Variants in DNAI4 observed in about 807,000 individuals in gnomAD.
DNAI4 encodes the protein WD repeat domain 78.
DNAI4 carries 85 observed loss-of-function variants against 105.8 expected under a neutral mutation model. The ratio of observed to expected loss-of-function variants is 0.80; its 90% CI spans 0.67 to 0.96. The LOEUF (loss-of-function observed/expected upper bound fraction) is 0.96, where lower values mean the gene tolerates loss of function less well. DNAI4 is among the 40% of genes least tolerant of loss of function. The probability of loss-of-function intolerance (pLI) is 0.00; values close to 1 mark genes in which losing one functional copy is unlikely to be tolerated. For missense variants in DNAI4, 1,014 were observed against 1,005.6 expected (o/e 1.01, Z -0.11); for synonymous variants, 352 against 331.5 (o/e 1.06, Z -0.67).
At chr1:66,870,748 CAAAAAAAAAAAAAAA>C (rs1184105731) in intron 6 of DNAI4, 3 of 16,610 alleles carry the variant, frequency 1.8e-4, no homozygotes, top group Admixed American at 1.3e-3. Flanking sequence ...GACTCTGACG[CAAAAAAAAAAAAAAA>C]AAAAAAAAAA....
chr1:66,870,748 C>CAAAAAAAAAAAAAAAA (rs1184105731), intron 6 of DNAI4: 1 of 16,610 alleles, frequency 6.0e-5, no homozygotes, highest in African/African-American at 2.3e-4. Context: ...GACTCTGACG[C>CAAAAAAAAAAAAAAAA]AAAAAAAAAA....
chr1:66,838,593 T>C (rs1358620895), intron 9 of DNAI4, among the ~76,000 whole-genome samples: 1 of 152,252 alleles, frequency 6.6e-6, no homozygotes, highest in Non-Finnish European at 1.5e-5. Context: ...AAAAGCTTAA[T>C]AACTGAACAA....
intron 4 of DNAI4, among the ~76,000 whole-genome samples, chr1:66,880,800 T>C (rs1647053201): frequency 6.6e-6 from 1 of 151,692 alleles, no homozygotes; most frequent in Admixed American, 6.6e-5. Context: ...ACCAAGACAA[T>C]GGGGAAAATG....
chr1:66,823,319 T>C (rs1190321773), intron 15 of DNAI4, among the ~76,000 whole-genome samples: 1 of 151,828 alleles, frequency 6.6e-6, no homozygotes, highest in Non-Finnish European at 1.5e-5. Context: ...CGTTGGACAT[T>C]TGGGTTGGTT....
intron 3 of DNAI4, 43 bp downstream of exon 3, chr1:66,893,186 T>C (rs1648002231): frequency 8.6e-7 from 1 of 1,158,550 alleles, no homozygotes; most frequent in South Asian, 3.1e-5. Flanking sequence ...GGAAAGGCAA[T>C]ATATATGATA....
chr1:66,887,467 G>T (rs1647251922), intron 4 of DNAI4, among the ~76,000 whole-genome samples: 1 of 152,082 alleles, frequency 6.6e-6, no homozygotes, highest in African/African-American at 2.4e-5. Context: ...TTATTCAGTA[G>T]GTCTGGGAGG....
rs777900874 is a variant in DNAI4 at position 66,871,304 on chromosome 1, G to T, written c.940+66C>A. ...TTATACATTTCAATATTCACTTGTC[G>T]ATTGACAGACTCAAAAAATGTATAT... is the stretch of plus-strand genomic sequence containing the variant. On this transcript the variant is annotated intron_variant, in intron 6 of 16. Coordinates refer to ENST00000371026, the MANE Select transcript of DNAI4 (RefSeq NM_024763.5). 9 of 1,408,066 alleles carry T rather than the reference G, an allele frequency of 6.4e-6. No homozygotes were observed. The African/African-American group carries it at 8.7e-5, about 14-fold the overall frequency. 87.2% of individuals were successfully genotyped at this position (1,408,066 alleles called of 1,614,324 possible).
In DNAI4 at chr1:66,873,852, CTTTTTTTTTTTT is replaced by C. The variant is rs749140367; in HGVS notation, c.800+917_800+928del. Among the ~76,000 whole-genome samples the C allele has an allele frequency of 3.6e-5, 4 of 110,196 alleles. No individual in the cohort carries two copies. The East Asian group carries it at 7.4e-4, about 20-fold the overall frequency. The allele number at this position is 110,196 out of a possible 152,430, so 72.3% of individuals were successfully genotyped here. ...TGTCCCTTTCTTTTTTCCCTCTTTC[CTTTTTTTTTTTT>C]TTTTTTTTTTTGGTCCTAGGAACTT... On this transcript the variant is annotated intron_variant, in intron 5 of 16. Transcript: ENST00000371026.
chr1:66,859,859 T>C (rs1646587052), intron 7 of DNAI4, among the ~76,000 whole-genome samples: 2 of 152,250 alleles, frequency 1.3e-5, no homozygotes, highest in South Asian at 4.1e-4. Flanking sequence ...ACAGTGAAAC[T>C]ATTAATTTTT....
At position 66,854,467 on chromosome 1, in the gene DNAI4, G is replaced by A. The variant is rs578095005; in HGVS notation, c.1097-6789C>T. Among the ~76,000 whole-genome samples, 8 of 152,120 alleles carry A rather than the reference G, an allele frequency of 5.3e-5. No homozygotes were observed. In the East Asian group the frequency reaches 1.5e-3, roughly 29 times the overall value. ...TGTAAATCTATCAAAACATGTACAG[G>A]GCTTGAATGCTGAAAACTACAAAAT... On this transcript the variant is annotated intron_variant, in intron 7 of 16. Transcript: ENST00000371026.
chr1:66,852,095 A>G (rs1270154271), intron 7 of DNAI4, among the ~76,000 whole-genome samples: 1 of 152,132 alleles, frequency 6.6e-6, no homozygotes, highest in African/African-American at 2.4e-5. Context: ...TACAGACGTC[A>G]AAGTGATAAT....
At chr1:66,923,008 TCA>T (rs1349988778) in intron 1 of DNAI4, among the ~76,000 whole-genome samples, 1 of 152,156 alleles carries the variant, frequency 6.6e-6, no homozygotes, top group Non-Finnish European at 1.5e-5. Context: ...CAACAATGAA[TCA>T]CATATACAAT....
intron 5 of DNAI4, 96 bp downstream of exon 5, chr1:66,874,685 C>G (rs903569605): frequency 2.3e-5 from 31 of 1,330,750 alleles, no homozygotes; most frequent in Non-Finnish European, 3.2e-5. Context: ...GTGTATACCC[C>G]AGAACCCCCA....
Position 66,893,247 on chromosome 1 carries a change from G to A in DNAI4, c.512C>T (p.Thr171Met), listed in dbSNP as rs531875285. The change falls in exon 3 of 17, where the codon ACG becomes ATG. Residue 171 changes from threonine (T) to methionine (M), a missense_variant. By Grantham distance (81) the Thr-to-Met change is moderately conservative. Coordinates refer to ENST00000371026, the MANE Select transcript of DNAI4 (RefSeq NM_024763.5). ...SLYQNTINPS[T>M]LGQFTRSVLG... is the part of the protein sequence containing the mutation. ...ACTCTACCTTGTAAACTGCCCTAAC[G>A]TACTAGGATTTATTGTATTCTGATA... is the stretch of plus-strand genomic sequence containing the variant. 3.2e-5 allele frequency: 51 copies of A among 1,590,666 alleles called. No individual in the cohort carries two copies. The highest frequency in any genetic ancestry group is 1.4e-4 in the Admixed American group (8 of 56,786).
chr1:66,892,950 GAAGAAAGAAAGAAAGAAAGAAAGA>G (rs71058479), intron 3 of DNAI4, among the ~76,000 whole-genome samples: 3 of 91,920 alleles, frequency 3.3e-5, no homozygotes, highest in South Asian at 3.7e-4. Flanking sequence ...AGAAGAAAGA[GAAGAAAGAAAGAAAGAAAGAAAGA>G]AAGAAAGAAA....
intron 7 of DNAI4, among the ~76,000 whole-genome samples, chr1:66,859,758 T>C (rs376558630): frequency 1.3e-5 from 2 of 151,928 alleles, no homozygotes; most frequent in Non-Finnish European, 2.9e-5. Context: ...GACGAAACTA[T>C]AAAGACAATA....
intron 8 of DNAI4, 137 bp from the exon 9 acceptor site, chr1:66,840,808 G>A: frequency 1.1e-6 from 1 of 912,878 alleles, no homozygotes; most frequent in South Asian, 1.7e-5. Context: ...GCAAGTGGCA[G>A]GGCACCATGA....
intron 7 of DNAI4, among the ~76,000 whole-genome samples, chr1:66,858,870 G>C (rs745481387): frequency 6.6e-5 from 10 of 152,164 alleles, no homozygotes; most frequent in Middle Eastern, 3.4e-3. Flanking sequence ...GTGAGAAACT[G>C]AAAACTTTCC....
chr1:66,883,017 A>G (rs1647109892), intron 4 of DNAI4, among the ~76,000 whole-genome samples: 1 of 151,744 alleles, frequency 6.6e-6, no homozygotes, highest in Non-Finnish European at 1.5e-5. Flanking sequence ...TTAGATTTAT[A>G]CTTTTCTGAT....
Sources: gnomAD v4.1 joint callset for allele counts (sites outside exome capture counted in the v4.1 genomes callset) on GRCh38, gnomAD v4.1.1 for gene constraint, MANE v1.5 for transcripts, NCBI Gene and HGNC (gene_info 2026-07-23, HGNC 2026-07-21) for gene names.